LRRC56: variants seen among roughly 807,000 people sequenced by gnomAD.
LRRC56 encodes leucine rich repeat containing 56, also known as leucine-rich repeat-containing protein 56.
Under a neutral mutation model 47.8 loss-of-function variants are expected in LRRC56, and 41 were observed. The ratio of observed to expected loss-of-function variants is 0.86; its 90% confidence interval spans 0.67 to 1.11. The LOEUF (loss-of-function observed/expected upper bound fraction) is 1.11. Ranked by LOEUF, LRRC56 falls within the 50% of genes most tolerant of loss-of-function variation. The pLI, the probability that LRRC56 is intolerant of heterozygous loss-of-function variation, is 0.00. For synonymous variants in LRRC56, 387 were observed against 311.2 expected (o/e 1.24, Z -2.56); for missense variants, 759 against 704.2 (o/e 1.08, Z -0.88).
At chr11:540,637 A>C (rs942726851) in intron 3 of LRRC56, 37 bp from the exon 4 acceptor site, 1 of 1,576,510 alleles carries the variant, frequency 6.3e-7, no homozygotes, top group African/African-American at 1.4e-5. Flanking sequence ...GAGGAGGAGC[A>C]ACAGCGTGGA....
the LRRC56 span, among the ~76,000 whole-genome samples, chr11:527,404 A>C: frequency 0.014 from 2,117 of 152,278 alleles, 54 homozygotes; most frequent in African/African-American, 0.048. Context: ...ATCTGTTATC[A>C]GTTGAACAGC....
chr11:529,696 A>T, the LRRC56 span: 1 of 152,306 alleles, frequency 6.6e-6, no homozygotes, highest in Non-Finnish European at 1.5e-5. Flanking sequence ...GGAAGACCAG[A>T]TGGGCTCAGT....
upstream of LRRC56, chr11:533,419 C>T: frequency 6.2e-7 from 1 of 1,610,332 alleles, no homozygotes; most frequent in Non-Finnish European, 8.5e-7. Flanking sequence ...CGGGGCGGGT[C>T]CCTGGCTAGC....
At chr11:534,505 G>A (rs532414321), upstream of LRRC56, 17 of 614,076 alleles carry the variant, frequency 2.8e-5, no homozygotes, top group East Asian at 4.4e-4. Flanking sequence ...AGCAAGGACT[G>A]CAGCGTGCCT....
At chr11:551,007 C>T (rs915373684) in intron 8 of LRRC56, 124 bp from the exon 9 acceptor site, 4 of 573,634 alleles carry the variant, frequency 7.0e-6, no homozygotes, top group African/African-American at 5.8e-5. Flanking sequence ...TAGGCAGCAT[C>T]CCCACCTCTG....
At chr11:546,109 A>G (rs902811740) in intron 6 of LRRC56, among the ~76,000 whole-genome samples, 9 of 152,032 alleles carry the variant, frequency 5.9e-5, no homozygotes, top group African/African-American at 2.2e-4. Context: ...CATCTCTACT[A>G]AAAATACAAA....
At position 551,670 on chromosome 11, in the gene LRRC56, C is replaced by A; in HGVS notation, c.816C>A (p.Pro272=). The part of the protein sequence containing the change: ...LPPLDCPRGA[P]IRRLDPELSL... Reference sequence around the variant, plus strand: ...GGGCAGACTGTCCCCGTGGAGCCCCCATCCGGAGACTTGACCCCGAGCTGT... The same window carrying A: ...GGGCAGACTGTCCCCGTGGAGCCCCAATCCGGAGACTTGACCCCGAGCTGT... The change falls in exon 10 of 14, where the codon CCC becomes CCA. Residue 272 remains proline, a synonymous_variant. Coordinates refer to ENST00000270115, the MANE Select transcript of LRRC56 (RefSeq NM_198075.4). 6.3e-7 allele frequency: 1 copy of A among 1,585,930 alleles called. No individual in the cohort carries two copies. Among genetic ancestry groups the A allele is most frequent in the Non-Finnish European group, 8.6e-7 (1 of 1,167,400 alleles).
upstream of LRRC56, chr11:535,326 GGCCCCGCGCCCCC>G (rs1429861507): frequency 1.4e-5 from 2 of 144,616 alleles, no homozygotes; most frequent in African/African-American, 5.0e-5. Context: ...TACGCCCGCC[GGCCCCGCGCCCCC>G]GGCCCGCGCC....
the LRRC56 span, among the ~76,000 whole-genome samples, chr11:523,670 C>T: frequency 1.5e-4 from 22 of 147,340 alleles, no homozygotes; most frequent in African/African-American, 4.8e-4. Context: ...CGGTGGCTCA[C>T]GCCTATAATT....
At chr11:533,854 G>A (rs1370690781), upstream of LRRC56, 1 of 1,613,308 alleles carries the variant, frequency 6.2e-7, no homozygotes, top group Non-Finnish European at 8.5e-7. Context: ...TACTGGTCCC[G>A]CATGGCGCTG....
At chr11:515,759 A>T in the LRRC56 span, among the ~76,000 whole-genome samples, 1 of 152,036 alleles carries the variant, frequency 6.6e-6, no homozygotes, top group Admixed American at 6.6e-5. Flanking sequence ...AATCACTTGA[A>T]CCTGGGAGAC....
the LRRC56 span, among the ~76,000 whole-genome samples, chr11:525,261 C>G: frequency 4.0e-5 from 6 of 149,580 alleles, no homozygotes. Flanking sequence ...AAAATCAGGC[C>G]AGGCACGGTG....
chr11:551,583 T>G (rs1022596235), intron 9 of LRRC56, 68 bp from the exon 10 acceptor site: 1 of 1,493,024 alleles, frequency 6.7e-7, no homozygotes, highest in Non-Finnish European at 9.0e-7. Context: ...GCCCCTGGTC[T>G]GTGGACAGAG....
At chr11:549,848 G>T in intron 6 of LRRC56, 54 bp from the exon 7 acceptor site, 1 of 1,508,604 alleles carries the variant, frequency 6.6e-7, no homozygotes. Flanking sequence ...AAGGCAGGTG[G>T]TGGCTGAGCA....
chr11:507,644 C>A, the LRRC56 span, among the ~76,000 whole-genome samples: 1 of 152,206 alleles, frequency 6.6e-6, no homozygotes, highest in Admixed American at 6.5e-5. Context: ...GGGGCGCGGC[C>A]CCCGGAGAAA....
chr11:542,580 CAAAAA>C (rs71022928), intron 5 of LRRC56, among the ~76,000 whole-genome samples: 13 of 26,006 alleles, frequency 5.0e-4, no homozygotes, highest in African/African-American at 1.1e-3. Flanking sequence ...AACCCTGTCG[CAAAAA>C]AAAAAAAAAA....
Position 551,190 on chromosome 11 carries a change from C to T in LRRC56, c.684C>T (p.Val228=), listed in dbSNP as rs1393508572. 3.9e-6 allele frequency: 6 copies of T among 1,546,070 alleles called. No individual in the cohort carries two copies. The highest frequency in any genetic ancestry group is 5.2e-6 in the Non-Finnish European group (6 of 1,144,422). The stretch of plus-strand genomic sequence containing the variant: ...GGAAGCTCATTCCCCAGCTGCAGGT[C>T]CTGGACGAAGTGCCGGCCGCACACA... ...EVRKLIPQLQ[V]LDEVPAAHTG... is the part of the protein sequence containing the mutation. The change falls in exon 9 of 14, where the codon GTC becomes GTT. Residue 228 remains valine (V), a synonymous_variant. Transcript: ENST00000270115.
the LRRC56 span, among the ~76,000 whole-genome samples, chr11:512,440 G>A: frequency 3.9e-5 from 6 of 152,060 alleles, no homozygotes; most frequent in Non-Finnish European, 8.8e-5. Context: ...TCACCGTGGT[G>A]GCCAGGCTGG....
chr11:545,421 AC>A (rs1285498592), intron 6 of LRRC56, among the ~76,000 whole-genome samples: 3 of 152,096 alleles, frequency 2.0e-5, no homozygotes, highest in Non-Finnish European at 4.4e-5. Flanking sequence ...AACGGCAACC[AC>A]CAGCCAGAAC....
Sources: allele counts gnomAD v4.1 joint callset (sites outside exome capture counted in the v4.1 genomes callset), GRCh38; gene constraint gnomAD v4.1.1; transcripts MANE v1.5; gene names NCBI Gene and HGNC (gene_info 2026-07-23, HGNC 2026-07-21).